The following PPM1D variants were observed in gnomAD, a reference collection of about 807,000 sequenced individuals.
The protein encoded by PPM1D is protein phosphatase 1D.
A neutral mutation model predicts 58.3 loss-of-function variants in PPM1D; 52 were observed. The ratio of observed to expected loss-of-function variants is 0.89; its 90% CI spans 0.71 to 1.12. The LOEUF (loss-of-function observed/expected upper bound fraction) is 1.12. Ranked by LOEUF, PPM1D falls within the 50% of genes most tolerant of loss-of-function variation. PPM1D has a pLI of 0.00. For synonymous variants in PPM1D, 278 were observed against 285.1 expected (o/e 0.98, Z 0.25); for missense variants, 564 against 777.2 (o/e 0.73, Z 3.26).
At chr17:60,640,714 C>T (rs554753068) in intron 3 of PPM1D, among the ~76,000 whole-genome samples, 177 of 152,206 alleles carry the variant, frequency 1.2e-3, no homozygotes, top group African/African-American at 4.1e-3. Flanking sequence ...CTAGTGGTCC[C>T]CAGTGTCTAT....
chr17:60,611,402 C>G (rs2030451636), intron 1 of PPM1D, among the ~76,000 whole-genome samples: 1 of 151,742 alleles, frequency 6.6e-6, no homozygotes, highest in African/African-American at 2.4e-5. Context: ...TGTAGAAATT[C>G]TTTATGTATT....
Position 60,665,067 on chromosome 17 carries a change from G to A in PPM1D, c.*1515G>A, listed in dbSNP as rs1021065827. 1 of 151,944 alleles carries A rather than the reference G, an allele frequency of 6.6e-6. No individual in the cohort carries two copies. Among genetic ancestry groups the A allele is most frequent in the Admixed American group, 6.6e-5 (1 of 15,234 alleles). 9.4% of individuals were successfully genotyped at this position (151,944 alleles called of 1,614,324 possible). On this transcript the variant is annotated 3_prime_UTR_variant, in exon 6 of 6. Transcript: ENST00000305921. ...GCTCCCTGCAACCTCTGCCTTCTGG[G>A]TTCCTGCGATTCTCCTGCCTCAGCC...
In PPM1D at chr17:60,647,095, G is replaced by A. The variant is rs369665800; in HGVS notation, c.827-797G>A. Among the ~76,000 whole-genome samples the A allele has an allele frequency of 2.0e-5, 3 of 152,116 alleles. No homozygotes were observed. The East Asian group carries it at 5.8e-4, about 29-fold the overall frequency. On this transcript the variant is annotated intron_variant, in intron 3 of 5. Coordinates refer to ENST00000305921, the MANE Select transcript of PPM1D (RefSeq NM_003620.4). ...ATCTTGATTAATCTTGGCCCTTTGC[G>A]CTTAGCCTGTCAAATTCTACAACAA...
In PPM1D at chr17:60,600,689, G is replaced by C. The variant is rs1335352449; in HGVS notation, c.275G>C (p.Cys92Ser). The C allele has an allele frequency of 6.3e-7, 1 of 1,588,812 alleles. No individual in the cohort carries two copies. ...AGASPAPSRC[C>S]RRRSSVAFFA... Reference sequence around the variant, plus strand: ...GCCTCGCCGGCACCTAGCCGCTGCTGCCGCCGCCGTTCCTCCGTGGCCTTT... The same window carrying C: ...GCCTCGCCGGCACCTAGCCGCTGCTCCCGCCGCCGTTCCTCCGTGGCCTTT... The change falls in exon 1 of 6, where the codon TGC (cysteine) becomes TCC (serine). Residue 92 changes from cysteine (C) to serine (S), a missense_variant. Transcript: ENST00000305921.
At chr17:60,629,045 A>T (rs2030869045) in intron 2 of PPM1D, among the ~76,000 whole-genome samples, 1 of 152,112 alleles carries the variant, frequency 6.6e-6, no homozygotes, top group Non-Finnish European at 1.5e-5. Flanking sequence ...CAGGCTTAAG[A>T]CCCTTCTTTA....
At chr17:60,641,877 A>T (rs1461634684) in intron 3 of PPM1D, among the ~76,000 whole-genome samples, 1 of 152,180 alleles carries the variant, frequency 6.6e-6, no homozygotes, top group East Asian at 1.9e-4. Flanking sequence ...CTGGCTGCCA[A>T]GTGCCACAGG....
At chr17:60,609,591 A>C (rs1420080465) in intron 1 of PPM1D, among the ~76,000 whole-genome samples, 1 of 152,160 alleles carries the variant, frequency 6.6e-6, no homozygotes, top group Non-Finnish European at 1.5e-5. Flanking sequence ...GTCTCGTCCC[A>C]CTGTGTCAGC....
At chr17:60,605,864 C>T (rs1018851787) in intron 1 of PPM1D, among the ~76,000 whole-genome samples, 2 of 152,146 alleles carry the variant, frequency 1.3e-5, no homozygotes, top group Non-Finnish European at 2.9e-5. Flanking sequence ...GAGATCACGC[C>T]ATTGCACTCC....
chr17:60,613,890 G>GCCCCCCCCCCCCCCCCCCCCCCCCCC (rs61669650), intron 1 of PPM1D, among the ~76,000 whole-genome samples: 1 of 137,370 alleles, frequency 7.3e-6, no homozygotes, highest in African/African-American at 2.9e-5. Flanking sequence ...CATACCTGAG[G>GCCCCCCCCCCCCCCCCCCCCCCCCCC]CCCCCCCCCC....
intron 2 of PPM1D, among the ~76,000 whole-genome samples, chr17:60,625,726 G>A (rs1456769542): frequency 6.6e-6 from 1 of 152,100 alleles, no homozygotes; most frequent in East Asian, 1.9e-4. Flanking sequence ...AATGTTTATG[G>A]TCACAAAAAA....
intron 3 of PPM1D, among the ~76,000 whole-genome samples, chr17:60,646,022 C>T (rs2031245278): frequency 6.6e-6 from 1 of 151,974 alleles, no homozygotes; most frequent in Non-Finnish European, 1.5e-5. Flanking sequence ...CACCTATAGT[C>T]CCATCTACTT....
chr17:60,611,826 A>C (rs1198166660), intron 1 of PPM1D, among the ~76,000 whole-genome samples: 1 of 152,188 alleles, frequency 6.6e-6, no homozygotes. Context: ...AATGAACAGA[A>C]GATGTTAAAC....
Position 60,665,205 on chromosome 17 carries a change from G to GT in PPM1D, c.*1654dup, listed in dbSNP as rs931626665. On this transcript the variant is annotated 3_prime_UTR_variant, in exon 6 of 6. Coordinates refer to ENST00000305921, the MANE Select transcript of PPM1D (RefSeq NM_003620.4). ...ATGCTGGTCTTGATCTCCTGACCTC[G>GT]TGATCCACCCGCCTCGACCTCCCAA... 8.6e-5 allele frequency: 13 copies of GT among 151,858 alleles called. No homozygotes were observed. Among genetic ancestry groups the GT allele is most frequent in the African/African-American group, 2.9e-4 (12 of 41,420 alleles). The allele number at this position is 151,858 out of a possible 1,614,324, so 9.4% of individuals were successfully genotyped here. A position where few individuals can be genotyped will look rare whatever the true frequency, so the allele number is the denominator to read the frequency against.
In PPM1D at chr17:60,647,365, T is replaced by C. The variant is rs1436941559; in HGVS notation, c.827-527T>C. On this transcript the variant is annotated intron_variant, in intron 3 of 5. Coordinates refer to ENST00000305921, the MANE Select transcript of PPM1D (RefSeq NM_003620.4). ...TGTTAAAATTGGATTATTTAAACAT[T>C]TATATTTTCTATGTCTTGCTATCAT... Among the ~76,000 whole-genome samples the C allele has an allele frequency of 2.0e-5, 3 of 152,314 alleles. No homozygotes were observed. The East Asian group carries it at 5.8e-4, about 29-fold the overall frequency.
At chr17:60,648,177 G>A (rs1206739669) in intron 4 of PPM1D, 95 bp downstream of exon 4, 1 of 1,376,528 alleles carries the variant, frequency 7.3e-7, no homozygotes, top group African/African-American at 1.5e-5. Context: ...ATTGACCTTG[G>A]GTAGATTTTT....
At chr17:60,634,785 T>A (rs529759847) in intron 3 of PPM1D, among the ~76,000 whole-genome samples, 2 of 152,274 alleles carry the variant, frequency 1.3e-5, no homozygotes, top group East Asian at 3.9e-4. Flanking sequence ...CACATTTGTT[T>A]ATTTTTATTT....
At chr17:60,645,572 GTATATATATATGTGTGTATATATATGTA>G (rs1567974731) in intron 3 of PPM1D, among the ~76,000 whole-genome samples, 2 of 119,188 alleles carry the variant, frequency 1.7e-5, no homozygotes, top group African/African-American at 7.5e-5. Flanking sequence ...GTATATATAT[GTATATATATATGTGTGTATATATATGTA>G]TATATATGTG....
chr17:60,647,789 C>A, intron 3 of PPM1D, 103 bp from the exon 4 acceptor site: 1 of 1,123,612 alleles, frequency 8.9e-7, no homozygotes, highest in Non-Finnish European at 1.3e-6. Context: ...TGCTTTTCTG[C>A]GTCTATTGAG....
intron 1 of PPM1D, among the ~76,000 whole-genome samples, chr17:60,608,313 C>T (rs2030375314): frequency 3.3e-5 from 5 of 152,032 alleles, no homozygotes; most frequent in Admixed American, 3.3e-4. Context: ...ATGAAATATT[C>T]AAAAAGATGT....
Sources: gnomAD v4.1 joint callset for allele counts (sites outside exome capture counted in the v4.1 genomes callset) on GRCh38, gnomAD v4.1.1 for gene constraint, MANE v1.5 for transcripts, NCBI Gene and HGNC (gene_info 2026-07-23, HGNC 2026-07-21) for gene names.